CATSPER2: variants seen among roughly 807,000 people sequenced by gnomAD.
The protein encoded by CATSPER2 is cation channel sperm associated 2.
In CATSPER2, 56 loss-of-function variants were observed where a neutral mutation model predicts 68.8. The ratio of observed to expected loss-of-function variants is 0.81; its 90% CI spans 0.66 to 1.02. The LOEUF (loss-of-function observed/expected upper bound fraction) is 1.02, where lower values mean the gene tolerates loss of function less well. Ranked by LOEUF, CATSPER2 falls within the 50% of genes least tolerant of loss-of-function variation. The probability of loss-of-function intolerance (pLI) is 0.00; values close to 1 mark genes in which losing one functional copy is unlikely to be tolerated. For synonymous variants in CATSPER2, 198 were observed against 229.9 expected (o/e 0.86, Z 1.26); for missense variants, 582 against 642.0 (o/e 0.91, Z 1.01).
intron 4 of CATSPER2, among the ~76,000 whole-genome samples, chr15:43,641,574 T>C (rs1160940065): frequency 1.3e-5 from 2 of 151,004 alleles, no homozygotes; most frequent in African/African-American, 4.9e-5. Context: ...ATCAACATTG[T>C]GGTGCTCTGG....
At chr15:43,644,309 T>G (rs2086122887) in intron 4 of CATSPER2, among the ~76,000 whole-genome samples, 2 of 151,942 alleles carry the variant, frequency 1.3e-5, no homozygotes, top group African/African-American at 4.8e-5. Flanking sequence ...GCAAAATCCC[T>G]CCTCCCTTTC....
rs367767637 is a variant in CATSPER2, at chr15:43,632,172, G to T, written c.1561+27C>A. ...TAAACGCTATATATATATTCCCATG[G>T]TCCCCATGACTGCCCTAACTCCATA... On this transcript the variant is annotated intron_variant, in intron 12 of 12. Transcript: ENST00000396879. The T allele has an allele frequency of 1.4e-5, 22 of 1,608,304 alleles. No individual in the cohort carries two copies. In the African/African-American group the frequency reaches 2.9e-4, roughly 22 times the overall value.
intron 5 of CATSPER2, chr15:43,640,078 G>C: frequency 1.4e-6 from 2 of 1,432,572 alleles, no homozygotes; most frequent in African/African-American, 1.4e-5. Flanking sequence ...AATAATGCTT[G>C]GCACTTAGTA....
chr15:43,636,687 A>C (rs2085970903), intron 7 of CATSPER2, among the ~76,000 whole-genome samples: 1 of 151,486 alleles, frequency 6.6e-6, no homozygotes, highest in Admixed American at 6.6e-5. Context: ...CACCGCACCC[A>C]GCCTAAATTC....
At chr15:43,641,218 G>A (rs2086068183) in intron 4 of CATSPER2, among the ~76,000 whole-genome samples, 1 of 151,282 alleles carries the variant, frequency 6.6e-6, no homozygotes, top group South Asian at 2.1e-4. Flanking sequence ...CGGGGTTCAA[G>A]CAATTCTCCT....
chr15:43,648,702 G>A lies in CATSPER2; in HGVS notation c.-76C>T, dbSNP rs1337862320. The A allele has an allele frequency of 2.0e-6, 3 of 1,473,246 alleles. No individual in the cohort carries two copies. The highest frequency in any genetic ancestry group is 2.7e-6 in the Non-Finnish European group (3 of 1,116,388). 91.3% of individuals were successfully genotyped at this position (1,473,246 alleles called of 1,614,324 possible). ...CCTCCAGCTCAGGTGCCCCGAGCCT[G>A]GCTACCCCTATGCAAGACGAGCTCA... On this transcript the variant is annotated 5_prime_UTR_variant, in exon 1 of 13. Coordinates refer to ENST00000396879, the MANE Select transcript of CATSPER2 (RefSeq NM_172095.4).
At chr15:43,642,021 T>C (rs1242616314) in intron 4 of CATSPER2, among the ~76,000 whole-genome samples, 1 of 151,976 alleles carries the variant, frequency 6.6e-6, no homozygotes, top group African/African-American at 2.4e-5. Context: ...TTAGGCTCTG[T>C]ACTTCTGTAA....
In CATSPER2 at chr15:43,648,619, T is replaced by C. The variant is rs887084869; in HGVS notation, c.-3+10A>G. The C allele has an allele frequency of 1.7e-5, 24 of 1,390,694 alleles. 1 individual carries two copies. The Admixed American group carries it at 4.5e-4, about 26-fold the overall frequency. The allele number at this position is 1,390,694 out of a possible 1,614,324, so 86.1% of individuals were successfully genotyped here. On this transcript the variant is annotated intron_variant, in intron 1 of 12. Transcript: ENST00000396879. The stretch of plus-strand genomic sequence containing the variant: ...TCCTTCTCTCCTCCATTCTCGCTTC[T>C]GGGCCTCACCTCAGCCCAGGTTCTC...
At chr15:43,644,878 C>G in intron 4 of CATSPER2, among the ~76,000 whole-genome samples, 1 of 151,882 alleles carries the variant, frequency 6.6e-6, no homozygotes, top group East Asian at 1.9e-4. Flanking sequence ...TAATTCTAGC[C>G]ATGCAAGGCA....
At chr15:43,642,102 C>G (rs1418291677) in intron 4 of CATSPER2, among the ~76,000 whole-genome samples, 1 of 146,138 alleles carries the variant, frequency 6.8e-6, no homozygotes, top group Non-Finnish European at 1.5e-5. Flanking sequence ...AATTAGGATG[C>G]TTTTTTTTTT....
Position 43,639,988 on chromosome 15 carries a change from T to C in CATSPER2, c.562-190A>G, listed in dbSNP as rs1036802537. 3.4e-6 allele frequency: 5 copies of C among 1,454,580 alleles called. No homozygotes were observed. The African/African-American group carries it at 4.3e-5, about 13-fold the overall frequency. The allele number at this position is 1,454,580 out of a possible 1,614,324, so 90.1% of individuals were successfully genotyped here. A position where few individuals can be genotyped will look rare whatever the true frequency, so the allele number is the denominator to read the frequency against. ...CACTATACTTAAACTTGTTCAGATA[T>C]AAAAAGGGGGATAAAATTCATGGTT... On this transcript the variant is annotated intron_variant, in intron 5 of 12. Coordinates refer to ENST00000396879, the MANE Select transcript of CATSPER2 (RefSeq NM_172095.4).
chr15:43,636,456 T>C (rs1203247734), intron 7 of CATSPER2, among the ~76,000 whole-genome samples: 2 of 151,986 alleles, frequency 1.3e-5, no homozygotes, highest in African/African-American at 2.4e-5. Context: ...AGTGGCGCGA[T>C]CTAGGCTCAC....
chr15:43,633,733 CAGG>C (rs1267439151), intron 10 of CATSPER2: 1 of 151,564 alleles, frequency 6.6e-6, no homozygotes, highest in African/African-American at 2.4e-5. Flanking sequence ...TGCCTGAGCT[CAGG>C]AGTTTGAGAC....
Position 43,648,771 on chromosome 15 carries a change from C to A in CATSPER2, c.-145G>T. The A allele has an allele frequency of 1.3e-6, 2 of 1,528,920 alleles. No individual in the cohort carries two copies. The allele number at this position is 1,528,920 out of a possible 1,614,324, so 94.7% of individuals were successfully genotyped here. A position where few individuals can be genotyped will look rare whatever the true frequency, so the allele number is the denominator to read the frequency against. On this transcript the variant is annotated 5_prime_UTR_variant, in exon 1 of 13. Coordinates refer to ENST00000396879, the MANE Select transcript of CATSPER2 (RefSeq NM_172095.4). ...ACTGCGCCCCATTCCCCGCCCCGCT[C>A]GACCCCCAGGTTTCGGCTCACCCCG... is the stretch of plus-strand genomic sequence containing the variant.
At position 43,629,959 on chromosome 15, in the gene CATSPER2, T is replaced by C. The variant is rs904956895; in HGVS notation, c.*742A>G. 6.6e-6 allele frequency: 1 copy of C among 151,774 alleles called. No individual in the cohort carries two copies. Among genetic ancestry groups the C allele is most frequent in the Non-Finnish European group, 1.5e-5 (1 of 67,974 alleles). 9.4% of individuals were successfully genotyped at this position (151,774 alleles called of 1,614,324 possible). A position where few individuals can be genotyped will look rare whatever the true frequency, so the allele number is the denominator to read the frequency against. ...TACTCCACAGAGGGGCCTTTACCTA[T>C]GCATCAGGGAGGGAGAGGGTAAAAT... On this transcript the variant is annotated 3_prime_UTR_variant, in exon 13 of 13. Coordinates refer to ENST00000396879, the MANE Select transcript of CATSPER2 (RefSeq NM_172095.4).
intron 4 of CATSPER2, among the ~76,000 whole-genome samples, chr15:43,644,324 A>T (rs920086694): frequency 2.0e-5 from 3 of 152,008 alleles, no homozygotes; most frequent in Non-Finnish European, 4.4e-5. Context: ...CCTTTCTACC[A>T]CAAGAATAAG....
intron 5 of CATSPER2, 71 bp downstream of exon 5, chr15:43,640,253 A>C: frequency 6.3e-7 from 1 of 1,594,384 alleles, no homozygotes; most frequent in Non-Finnish European, 8.6e-7. Context: ...TATCATGTTA[A>C]CTTGTTCTTT....
At position 43,632,249 on chromosome 15, in the gene CATSPER2, T is replaced by C. The variant is rs781219409; in HGVS notation, c.1511A>G (p.Glu504Gly). The C allele has an allele frequency of 6.2e-7, 1 of 1,613,626 alleles. No homozygotes were observed. Among genetic ancestry groups the C allele is most frequent in the Non-Finnish European group, 8.5e-7 (1 of 1,179,814 alleles). ...TTCCTCTAGGTTATACTGAAGCTTT[T>C]CTAGCAACTCAAAATATCGGAAGAG... is the stretch of plus-strand genomic sequence containing the variant. ...DSLFRYFELL[E>G]KLQYNLEERK... Residue 504 changes from glutamate to glycine, a missense_variant, in exon 12 of 13, where the codon GAA becomes GGA. Around this residue, in one of 5 missense-constraint regions of CATSPER2, gnomAD observed 235 missense variants for 264.2 expected, o/e 0.89. Coordinates refer to ENST00000396879, the MANE Select transcript of CATSPER2 (RefSeq NM_172095.4).
rs554898795 is a variant in CATSPER2 at position 43,643,580 on chromosome 15, G to T, written c.389-3084C>A. On this transcript the variant is annotated intron_variant, in intron 4 of 12. Transcript: ENST00000396879. ...TTGAACTCCTGACCTCAAGTGATCC[G>T]CAGGACTAGGCCTCCCAAATTGCTG... 9.2e-5 allele frequency among the ~76,000 whole-genome samples: 14 copies of T among 151,684 alleles called. 1 individual carries two copies. In the East Asian group the frequency reaches 2.7e-3, roughly 29 times the overall value.
Sources: gnomAD v4.1 joint callset for allele counts (sites outside exome capture counted in the v4.1 genomes callset) on GRCh38, gnomAD v4.1.1 for gene constraint, gnomAD v4.1.1 regional missense constraint, MANE v1.5 for transcripts, NCBI Gene and HGNC (gene_info 2026-07-23, HGNC 2026-07-21) for gene names.